The following GSE1 variants were observed in gnomAD, a reference collection of about 807,000 sequenced individuals.
GSE1 encodes the protein Gse1 coiled-coil protein.
Under a neutral mutation model 112.6 loss-of-function variants are expected in GSE1, and 32 were observed. The ratio of observed to expected loss-of-function variants is 0.28; its 90% CI spans 0.21 to 0.38. The LOEUF is 0.38. Among genes scored for constraint, GSE1 ranks in the 10% least tolerant of loss-of-function variants. GSE1 has a pLI of 1.00. For synonymous variants in GSE1, 1,115 were observed against 735.6 expected, an observed-to-expected ratio of 1.52 and a Z score of -8.35; for missense variants, 2,348 against 1,699.2, an observed-to-expected ratio of 1.38 and a Z score of -6.71.
chr16:85,654,390 C>A lies in GSE1; in HGVS notation c.539C>A (p.Pro180His), dbSNP rs1263597906. 2 of 1,608,674 alleles carry A rather than the reference C, an allele frequency of 1.2e-6. No individual in the cohort carries two copies. The highest frequency in any genetic ancestry group is 1.7e-5 in the Admixed American group (1 of 59,468). The change falls in exon 4 of 16, where the codon CCC becomes CAC. Residue 180 changes from proline (P) to histidine (H), a missense_variant. Physicochemically the swap from Pro to His is moderately conservative, Grantham distance 77. Transcript: ENST00000253458. ...PAIPSHLLST[P>H]YPFGLSPSSV... The stretch of plus-strand genomic sequence containing the variant: ...ATCCCCTCGCACCTGCTCAGCACCC[C>A]CTACCCCTTCGGCCTCTCCCCCAGC...
chr16:85,663,883 G>T (rs968743803), intron 11 of GSE1, among the ~76,000 whole-genome samples: 1 of 152,258 alleles, frequency 6.6e-6, no homozygotes, highest in African/African-American at 2.4e-5. Flanking sequence ...GCCCGAGAAG[G>T]CGCTCTTTGA....
At chr16:85,178,196 AG>A (rs1365167099) in intron 1 of GSE1, among the ~76,000 whole-genome samples, 1 of 152,196 alleles carries the variant, frequency 6.6e-6, no homozygotes, top group Non-Finnish European at 1.5e-5. Flanking sequence ...AGGCGTGCAC[AG>A]GGAAGACTTC....
In GSE1 at chr16:85,646,203, A is replaced by G. The variant is rs569360738; in HGVS notation, c.227-2349A>G. Among the ~76,000 whole-genome samples the G allele has an allele frequency of 7.1e-4, 105 of 148,104 alleles. 4 individuals carry two copies. The highest frequency in any genetic ancestry group is 2.4e-3 in the African/African-American group (95 of 39,934). ...TCTACCTGCTTCTACCACGCTTCCT[A>G]TGCATGCATTCTACCTGCTTCTACC... On this transcript the variant is annotated intron_variant, in intron 2 of 15. Transcript: ENST00000253458.
chr16:85,641,529 C>T (rs1240019920), intron 2 of GSE1, among the ~76,000 whole-genome samples: 3 of 152,210 alleles, frequency 2.0e-5, no homozygotes, highest in Non-Finnish European at 4.4e-5. Context: ...GCTGCTGCTA[C>T]TTGGTCTCCT....
rs563454271 is a variant in GSE1 at position 85,663,754 on chromosome 16, C to T, written c.2644+140C>T. The T allele has an allele frequency of 5.1e-5, 41 of 810,096 alleles. 1 individual carries two copies. The highest frequency in any genetic ancestry group is 2.6e-4 in the African/African-American group (15 of 58,142). 50.2% of individuals were successfully genotyped at this position (810,096 alleles called of 1,614,324 possible). A position where few individuals can be genotyped will look rare whatever the true frequency, so the allele number is the denominator to read the frequency against. On this transcript the variant is annotated intron_variant, in intron 11 of 15. Transcript: ENST00000253458. The stretch of plus-strand genomic sequence containing the variant: ...CTGCCCCTTTACTCCTCCCGGCTCC[C>T]GGGAACAGCCTCTCTGTTCTTACAA...
chr16:85,359,558 A>G (rs2047021380), intron 2 of GSE1: 1 of 370,242 alleles, frequency 2.7e-6, no homozygotes, highest in Admixed American at 3.1e-5. Context: ...TTTCGTGGCA[A>G]CCTCGTGAGC....
intron 1 of GSE1, among the ~76,000 whole-genome samples, chr16:85,236,008 C>G (rs867198747): frequency 4.4e-4 from 65 of 148,230 alleles, no homozygotes; most frequent in Middle Eastern, 3.4e-3. Context: ...GGGGCTGAGG[C>G]TGGGCCTGGG....
chr16:85,397,898 C>T (rs938030099), intron 2 of GSE1, among the ~76,000 whole-genome samples: 8 of 152,014 alleles, frequency 5.3e-5, no homozygotes, highest in Middle Eastern at 6.8e-3. Context: ...AAATGAGCCC[C>T]GCAGACCAGG....
intron 2 of GSE1, among the ~76,000 whole-genome samples, chr16:85,413,977 T>G (rs1230989513): frequency 3.3e-5 from 5 of 152,168 alleles, no homozygotes. Flanking sequence ...GCACCTTGCT[T>G]CTCTCTCACC....
intron 2 of GSE1, among the ~76,000 whole-genome samples, chr16:85,517,747 T>C (rs1047643423): frequency 6.6e-6 from 1 of 152,228 alleles, no homozygotes; most frequent in African/African-American, 2.4e-5. Context: ...GAGAGTGACA[T>C]TTACATATTA....
At chr16:85,340,619 C>T (rs578117608) in intron 1 of GSE1, among the ~76,000 whole-genome samples, 11 of 152,134 alleles carry the variant, frequency 7.2e-5, no homozygotes, top group Non-Finnish European at 1.5e-4. Context: ...CCAGCCTGGG[C>T]GACAGAGCAA....
At chr16:85,437,279 C>T (rs990814813) in intron 2 of GSE1, among the ~76,000 whole-genome samples, 10 of 152,152 alleles carry the variant, frequency 6.6e-5, no homozygotes, top group Non-Finnish European at 1.5e-4. Context: ...TCTTCAACCC[C>T]CAAAAGAAGT....
At chr16:85,567,160 C>G (rs562957501) in intron 1 of GSE1, among the ~76,000 whole-genome samples, 1 of 151,862 alleles carries the variant, frequency 6.6e-6, no homozygotes, top group Non-Finnish European at 1.5e-5. Flanking sequence ...CACAGGGTGC[C>G]GGCCTGTCGG....
Position 85,648,580 on chromosome 16 carries a change from C to T in GSE1, c.255C>T (p.Pro85=), listed in dbSNP as rs553403743. The change falls in exon 3 of 16, where the codon CCC becomes CCT. Residue 85 remains proline (P), a synonymous_variant. Transcript: ENST00000253458. ...RGSSLSSESS[P]VSSPATNHSS... is the part of the protein sequence containing the mutation. ...CCTCACTGAGCAGCGAGTCGTCCCC[C>T]GTGTCCTCTCCGGCCACCAACCACA... 72 of 1,597,300 alleles carry T rather than the reference C, an allele frequency of 4.5e-5. No homozygotes were observed. The highest frequency in any genetic ancestry group is 2.0e-4 in the East Asian group (9 of 43,936).
Position 85,596,816 on chromosome 16 carries a change from G to A in GSE1, c.37+40453G>A, listed in dbSNP as rs371792220. ...TTTGGGAGGCCAAGGCGGGCAGATC[G>A]CTTGAAGCCAGGACTTCGAGATCAG... is the stretch of plus-strand genomic sequence containing the variant. On this transcript the variant is annotated intron_variant, in intron 1 of 2. Transcript: ENST00000635906. 2.6e-5 allele frequency among the ~76,000 whole-genome samples: 4 copies of A among 152,118 alleles called. No homozygotes were observed. The East Asian group carries it at 5.8e-4, about 22-fold the overall frequency.
chr16:85,352,896 C>T (rs547083431), intron 1 of GSE1, among the ~76,000 whole-genome samples: 3 of 152,342 alleles, frequency 2.0e-5, no homozygotes, highest in East Asian at 3.9e-4. Flanking sequence ...GGGACTGGCA[C>T]CTGGTTCCCT....
In GSE1 at chr16:85,286,191, C is replaced by T. The variant is rs555676988; in HGVS notation, c.2284-71272C>T. Among the ~76,000 whole-genome samples the T allele has an allele frequency of 6.2e-4, 94 of 152,354 alleles. 1 individual carries two copies. The highest frequency in any genetic ancestry group is 6.8e-3 in the Middle Eastern group (2 of 294). ...AGTGCCAGCAAAGGGCCCCGTGCTCCGAGCATGTTAGCGGGAGGAGGACAC... is the reference window on the plus strand; with the variant it reads ...AGTGCCAGCAAAGGGCCCCGTGCTCTGAGCATGTTAGCGGGAGGAGGACAC... On this transcript the variant is annotated intron_variant, in intron 1 of 2. Coordinates refer to the GSE1 transcript ENST00000637419.
intron 3 of GSE1, among the ~76,000 whole-genome samples, chr16:85,650,780 G>A (rs998912274): frequency 2.0e-5 from 3 of 152,080 alleles, no homozygotes; most frequent in Non-Finnish European, 2.9e-5. Flanking sequence ...TGGGGAGGCA[G>A]AGAGAGGATT....
intron 2 of GSE1, among the ~76,000 whole-genome samples, chr16:85,502,315 G>A (rs911911652): frequency 6.6e-6 from 1 of 151,972 alleles, no homozygotes; most frequent in Non-Finnish European, 1.5e-5. Flanking sequence ...CTGTGCTGTG[G>A]GTAGCGCCGT....
Sources: gnomAD v4.1 joint callset for allele counts (sites outside exome capture counted in the v4.1 genomes callset) on GRCh38, gnomAD v4.1.1 for gene constraint, MANE v1.5 for transcripts, NCBI Gene and HGNC (gene_info 2026-07-23, HGNC 2026-07-21) for gene names.